The following KCNH2 variants were observed in gnomAD, a reference collection of about 807,000 sequenced individuals.
The protein encoded by KCNH2 is voltage-gated inwardly rectifying potassium channel KCNH2.
KCNH2 carries 35 observed loss-of-function variants against 95.9 expected under a neutral mutation model. That is an observed-to-expected ratio of 0.37 (90% CI 0.28 to 0.48). The LOEUF (loss-of-function observed/expected upper bound fraction) is 0.48, where lower values mean the gene tolerates loss of function less well. Ranked by LOEUF, KCNH2 falls within the 20% of genes least tolerant of loss-of-function variation. The pLI is 0.99. For synonymous variants in KCNH2, 786 were observed against 754.7 expected, an observed-to-expected ratio of 1.04 and a Z score of -0.68; for missense variants, 1,274 against 1,702.9, an observed-to-expected ratio of 0.75 and a Z score of 4.43.
intron 2 of KCNH2, among the ~76,000 whole-genome samples, chr7:150,967,835 T>C (rs1361924851): frequency 1.3e-5 from 2 of 152,272 alleles, no homozygotes; most frequent in Non-Finnish European, 2.9e-5. Flanking sequence ...TTGCAATATC[T>C]GTTTCCAGTT....
In KCNH2 at chr7:150,950,162, C is replaced by A. The variant is rs1438272483; in HGVS notation, c.2398+6G>T. 4.8e-6 allele frequency: 4 copies of A among 833,660 alleles called. No individual in the cohort carries two copies. The highest frequency in any genetic ancestry group is 4.0e-5 in the South Asian group (3 of 75,696). 51.6% of individuals were successfully genotyped at this position (833,660 alleles called of 1,614,324 possible). On this transcript the variant is annotated splice_donor_region_variant and intron_variant, in intron 9 of 14. Coordinates refer to ENST00000262186, the MANE Select transcript of KCNH2 (RefSeq NM_000238.4). Reference sequence around the variant, plus strand: ...TCCAGTCCAGTGCCCGCCCCCCACCCCATACCCAGGATGGCCACGACGACG... The same window carrying A: ...TCCAGTCCAGTGCCCGCCCCCCACCACATACCCAGGATGGCCACGACGACG...
At chr7:150,955,539 G>C in intron 5 of KCNH2, 1 of 1,525,256 alleles carries the variant, frequency 6.6e-7, no homozygotes, top group South Asian at 1.2e-5. Flanking sequence ...CCTGCCCTGG[G>C]GCCTGAGGGC....
intron 3 of KCNH2, among the ~76,000 whole-genome samples, chr7:150,959,001 A>C (rs963207836): frequency 6.6e-6 from 1 of 152,222 alleles, no homozygotes; most frequent in African/African-American, 2.4e-5. Context: ...GGAAAGATTA[A>C]AATTAAGCCA....
intron 2 of KCNH2, 65 bp from the exon 3 acceptor site, chr7:150,959,801 G>C (rs1286411077): frequency 1.1e-5 from 17 of 1,594,576 alleles, no homozygotes; most frequent in African/African-American, 1.3e-5. Context: ...AAGCCACGCA[G>C]GATGGACCCT....
rs966457653 is a variant in KCNH2 at position 150,949,149 on chromosome 7, C to T, written c.2399-100G>A. 8.9e-6 allele frequency: 11 copies of T among 1,240,674 alleles called. No homozygotes were observed. In the African/African-American group the frequency reaches 1.3e-4, roughly 15 times the overall value. 76.9% of individuals were successfully genotyped at this position (1,240,674 alleles called of 1,614,324 possible). A position where few individuals can be genotyped will look rare whatever the true frequency, so the allele number is the denominator to read the frequency against. On this transcript the variant is annotated intron_variant, in intron 9 of 14. Coordinates refer to ENST00000262186, the MANE Select transcript of KCNH2 (RefSeq NM_000238.4). ...TCCCCACCCCGGGCAGAGCATGTCCCCTCAGCTGGGTCGCCTGCCAGCCGG... is the reference window on the plus strand; with the variant it reads ...TCCCCACCCCGGGCAGAGCATGTCCTCTCAGCTGGGTCGCCTGCCAGCCGG...
intron 2 of KCNH2, among the ~76,000 whole-genome samples, chr7:150,968,101 T>C (rs933926827): frequency 2.0e-5 from 3 of 152,190 alleles, no homozygotes; most frequent in Non-Finnish European, 2.9e-5. Flanking sequence ...ACCTATTAGA[T>C]TGGCAAAATT....
chr7:150,966,174 G>A (rs1301107206), intron 2 of KCNH2, among the ~76,000 whole-genome samples: 6 of 152,104 alleles, frequency 3.9e-5, no homozygotes, highest in Non-Finnish European at 1.5e-5. Flanking sequence ...GGGCAGTGAA[G>A]GTGCACACAG....
chr7:150,958,679 A>C (rs1420151414), intron 3 of KCNH2, among the ~76,000 whole-genome samples, 177 bp from the exon 4 acceptor site: 2 of 152,220 alleles, frequency 1.3e-5, no homozygotes, highest in Non-Finnish European at 2.9e-5. Flanking sequence ...TCTAGAATCC[A>C]GTCATCATAA....
Position 150,946,731 on chromosome 7 carries a change from AGGAGGACAGG to A in KCNH2, c.3330+136_3330+145del. The A allele has an allele frequency of 1.4e-6, 1 of 732,364 alleles. No individual in the cohort carries two copies. Among genetic ancestry groups the A allele is most frequent in the Admixed American group, 2.7e-5 (1 of 37,058 alleles). 45.4% of individuals were successfully genotyped at this position (732,364 alleles called of 1,614,324 possible). A position where few individuals can be genotyped will look rare whatever the true frequency, so the allele number is the denominator to read the frequency against. ...GCAGCTCCTGAAGCAGCCTTCCTCCAGGAGGACAGGGGTGGGAGGAGGGCAGGAACAAGGT... is the reference window on the plus strand; with the variant it reads ...GCAGCTCCTGAAGCAGCCTTCCTCCAGGTGGGAGGAGGGCAGGAACAAGGT... On this transcript the variant is annotated intron_variant, in intron 14 of 14. Coordinates refer to ENST00000262186, the MANE Select transcript of KCNH2 (RefSeq NM_000238.4). The surrounding 1 kb of genome is among the most constrained non-coding windows in gnomAD (Gnocchi z 6.5).
intron 6 of KCNH2, 36 bp from the exon 7 acceptor site, chr7:150,951,871 G>A: frequency 6.6e-7 from 1 of 1,524,766 alleles, no homozygotes; most frequent in Non-Finnish European, 8.8e-7. Context: ...CCGTTGATGG[G>A]GCAAGGGGGG....
intron 9 of KCNH2, chr7:150,949,616 C>G: frequency 9.2e-7 from 1 of 1,083,214 alleles, no homozygotes; most frequent in African/African-American, 1.7e-5. Flanking sequence ...CAACTATGGT[C>G]GAAAGAGCTT....
At chr7:150,955,573 C>A in intron 5 of KCNH2, 1 of 1,481,228 alleles carries the variant, frequency 6.8e-7, no homozygotes, top group Admixed American at 2.3e-5. Flanking sequence ...CACCTGCACC[C>A]CAGCAGCAGT....
chr7:150,968,783 T>G (rs1478811509), intron 2 of KCNH2, among the ~76,000 whole-genome samples: 2 of 152,060 alleles, frequency 1.3e-5, no homozygotes, highest in Non-Finnish European at 2.9e-5. Context: ...GCAGGCAGCA[T>G]GCAGGATGGG....
At chr7:150,971,581 C>T (rs866262430) in intron 2 of KCNH2, among the ~76,000 whole-genome samples, 2 of 151,772 alleles carry the variant, frequency 1.3e-5, no homozygotes, top group South Asian at 2.1e-4. Flanking sequence ...ATAGAGGCTC[C>T]GAGGGGTGGG....
chr7:150,953,018 C>T (rs1024933841), intron 5 of KCNH2, among the ~76,000 whole-genome samples, 165 bp from the exon 6 acceptor site: 7 of 152,120 alleles, frequency 4.6e-5, no homozygotes, highest in South Asian at 4.2e-4. Context: ...ATGGCCACCC[C>T]CAGGTTTGGG....
chr7:150,950,134 A>T lies in KCNH2; in HGVS notation c.2398+34T>A. 2 of 1,437,766 alleles carry T rather than the reference A, an allele frequency of 1.4e-6. No individual in the cohort carries two copies. Among genetic ancestry groups the T allele is most frequent in the Non-Finnish European group, 1.9e-6 (2 of 1,055,318 alleles). The allele number at this position is 1,437,766 out of a possible 1,614,324, so 89.1% of individuals were successfully genotyped here. ...CGCACCTCTTGAGGCTGCAGAGGGC[A>T]TTTCCAGTCCAGTGCCCGCCCCCCA... is the stretch of plus-strand genomic sequence containing the variant. On this transcript the variant is annotated intron_variant, in intron 9 of 14. Coordinates refer to ENST00000262186, the MANE Select transcript of KCNH2 (RefSeq NM_000238.4).
chr7:150,952,013 T>C lies in KCNH2; in HGVS notation c.1558-178A>G, dbSNP rs1801192634. ...AGCACAGGTGTCTCATTAATCTTAG[T>C]GCTAGCTTTGGGACAGAGGCAGCCC... On this transcript the variant is annotated intron_variant, in intron 6 of 14. Coordinates refer to ENST00000262186, the MANE Select transcript of KCNH2 (RefSeq NM_000238.4). The surrounding 1 kb of genome is among the most constrained non-coding windows in gnomAD (Gnocchi z 7.3). 6.6e-6 allele frequency among the ~76,000 whole-genome samples: 1 copy of C among 152,164 alleles called. No homozygotes were observed. Among genetic ancestry groups the C allele is most frequent in the African/African-American group, 2.4e-5 (1 of 41,434 alleles).
In KCNH2 at chr7:150,952,052, G is replaced by A. The variant is rs1801194002; in HGVS notation, c.1558-217C>T. On this transcript the variant is annotated intron_variant, in intron 6 of 14. Transcript: ENST00000262186. The surrounding 1 kb of genome is among the most constrained non-coding windows in gnomAD (Gnocchi z 7.3). The stretch of plus-strand genomic sequence containing the variant: ...CAGAGGCAGCCCCCATAGTGTGGAT[G>A]AGGAAACAGGGGCACTGACAGGTGC... Among the ~76,000 whole-genome samples, 1 of 152,170 alleles carries A rather than the reference G, an allele frequency of 6.6e-6. No homozygotes were observed. Among genetic ancestry groups the A allele is most frequent in the Admixed American group, 6.5e-5 (1 of 15,288 alleles).
intron 2 of KCNH2, among the ~76,000 whole-genome samples, chr7:150,972,480 C>G (rs1243438785): frequency 6.6e-6 from 1 of 152,220 alleles, no homozygotes; most frequent in Non-Finnish European, 1.5e-5. Flanking sequence ...GGAAATCTGT[C>G]TGCATCACCC....
Sources: allele counts gnomAD v4.1 joint callset (sites outside exome capture counted in the v4.1 genomes callset), GRCh38; gene constraint gnomAD v4.1.1; non-coding constraint Gnocchi (gnomAD v3.1); transcripts MANE v1.5; gene names NCBI Gene and HGNC (gene_info 2026-07-23, HGNC 2026-07-21).